The following THSD7B variants were observed in gnomAD, a reference collection of about 807,000 sequenced individuals.
THSD7B encodes the protein thrombospondin type 1 domain containing 7B.
In THSD7B, 138 loss-of-function variants were observed where a neutral mutation model predicts 213.6. The observed-to-expected ratio is 0.65, with a 90% CI of 0.56 to 0.74. The LOEUF is 0.74. Ranked by LOEUF, THSD7B falls within the 30% of genes least tolerant of loss-of-function variation. THSD7B has a pLI of 0.00. For missense variants in THSD7B, 1,931 were observed against 1,991.5 expected, an observed-to-expected ratio of 0.97 and a Z score of 0.58; for synonymous variants, 742 against 687.0, an observed-to-expected ratio of 1.08 and a Z score of -1.25.
rs185217618 is a variant in THSD7B, at chr2:137,610,827, A to G, written c.3424-5348A>G. On this transcript the variant is annotated intron_variant, in intron 17 of 27. Coordinates refer to ENST00000409968, the MANE Select transcript of THSD7B (RefSeq NM_001316349.2). The stretch of plus-strand genomic sequence containing the variant: ...ATTTTCTAGGTACAAACTTAATTTG[A>G]TAATTGTATTGTTCTGAAATTAATT... Among the ~76,000 whole-genome samples the G allele has an allele frequency of 3.8e-3, 571 of 152,114 alleles. 1 individual carries two copies. Among genetic ancestry groups the G allele is most frequent in the African/African-American group, 0.013 (540 of 41,520 alleles).
intron 12 of THSD7B, among the ~76,000 whole-genome samples, chr2:137,318,434 G>C (rs1228207705): frequency 6.6e-6 from 1 of 152,074 alleles, no homozygotes; most frequent in East Asian, 1.9e-4. Flanking sequence ...TCAAGCCTAA[G>C]TCTAGTACTC....
At chr2:137,205,885 T>C (rs1382869200) in intron 7 of THSD7B, among the ~76,000 whole-genome samples, 1 of 135,086 alleles carries the variant, frequency 7.4e-6, no homozygotes, top group African/African-American at 2.9e-5. Flanking sequence ...TTTATCATTG[T>C]GTTAAGAGTA....
intron 2 of THSD7B, among the ~76,000 whole-genome samples, chr2:136,926,163 C>T (rs1204963313): frequency 6.7e-6 from 1 of 148,852 alleles, no homozygotes; most frequent in Non-Finnish European, 1.5e-5. Context: ...GCATTCCTCC[C>T]TCCTTTCTCC....
chr2:136,862,491 A>G (rs552605425), intron 1 of THSD7B, among the ~76,000 whole-genome samples: 1 of 152,320 alleles, frequency 6.6e-6, no homozygotes, highest in East Asian at 1.9e-4. Flanking sequence ...TTTCTGTGCC[A>G]GGCACTAAGG....
In THSD7B at chr2:137,031,844, T is replaced by C. The variant is rs1225337464; in HGVS notation, c.140-24576T>C. ...TGCTTTTCTTTCCTTTTTTTTTTTT[T>C]TTTAGCTGGGGGTAGGGGATAAGGT... On this transcript the variant is annotated intron_variant, in intron 2 of 27. Coordinates refer to ENST00000409968, the MANE Select transcript of THSD7B (RefSeq NM_001316349.2). Among the ~76,000 whole-genome samples the C allele has an allele frequency of 2.6e-5, 4 of 151,718 alleles. No individual in the cohort carries two copies. The East Asian group carries it at 7.7e-4, about 29-fold the overall frequency.
intron 10 of THSD7B, among the ~76,000 whole-genome samples, chr2:137,251,724 A>G (rs1230318117): frequency 3.3e-5 from 5 of 152,204 alleles, no homozygotes; most frequent in Admixed American, 6.5e-5. Context: ...TCTGTGTGGT[A>G]TGCTTGCTAG....
At chr2:136,790,027 G>A (rs1401689117) in intron 1 of THSD7B, among the ~76,000 whole-genome samples, 2 of 151,662 alleles carry the variant, frequency 1.3e-5, no homozygotes, top group African/African-American at 2.4e-5. Context: ...AAGGAGCTTT[G>A]TTCTCAGGGC....
At chr2:137,260,797 G>C (rs796381686) in intron 10 of THSD7B, among the ~76,000 whole-genome samples, 4 of 152,186 alleles carry the variant, frequency 2.6e-5, no homozygotes, top group African/African-American at 9.6e-5. Context: ...CCTTTCAGCA[G>C]AGGTTCTCTA....
At chr2:137,306,763 A>G (rs1683758846) in intron 12 of THSD7B, among the ~76,000 whole-genome samples, 1 of 151,792 alleles carries the variant, frequency 6.6e-6, no homozygotes, top group Admixed American at 6.6e-5. Context: ...TGCCCTTTTA[A>G]AAGTGTTTTC....
chr2:137,078,522 T>G (rs1687677973), intron 3 of THSD7B, among the ~76,000 whole-genome samples: 1 of 152,186 alleles, frequency 6.6e-6, no homozygotes, highest in Admixed American at 6.5e-5. Flanking sequence ...TTTAAAATAG[T>G]AATTTGCCTG....
chr2:136,981,254 G>A lies in THSD7B; in HGVS notation c.140-75166G>A, dbSNP rs151083040. Among the ~76,000 whole-genome samples the A allele has an allele frequency of 1.5e-3, 232 of 152,258 alleles. 2 individuals are homozygous for A. In the Middle Eastern group the frequency reaches 0.027, roughly 18 times the overall value. On this transcript the variant is annotated intron_variant, in intron 2 of 27. Coordinates refer to ENST00000409968, the MANE Select transcript of THSD7B (RefSeq NM_001316349.2). ...TCTCAGTGGCCTTAGCCTTGTGAAT[G>A]GTGGTAAGTGCTGCAGCTGAGGCCT...
chr2:137,140,156 A>T (rs972007827), intron 5 of THSD7B, among the ~76,000 whole-genome samples: 1 of 151,970 alleles, frequency 6.6e-6, no homozygotes, highest in African/African-American at 2.4e-5. Flanking sequence ...ACACACACAC[A>T]CTATATATAT....
intron 2 of THSD7B, among the ~76,000 whole-genome samples, chr2:137,048,234 T>C (rs1287530027): frequency 6.6e-6 from 1 of 152,204 alleles, no homozygotes; most frequent in Non-Finnish European, 1.5e-5. Context: ...AGTAAACTAC[T>C]CAGTTACAAT....
chr2:136,915,870 C>G (rs1684339900), intron 2 of THSD7B, among the ~76,000 whole-genome samples: 1 of 152,200 alleles, frequency 6.6e-6, no homozygotes, highest in South Asian at 2.1e-4. Flanking sequence ...GATATCTTCT[C>G]AACCTGACAG....
intron 5 of THSD7B, among the ~76,000 whole-genome samples, chr2:137,131,910 T>A (rs1257306149): frequency 2.0e-5 from 3 of 152,154 alleles, no homozygotes; most frequent in African/African-American, 7.2e-5. Flanking sequence ...TTTCCAATTC[T>A]GTGAAGAAAG....
intron 2 of THSD7B, among the ~76,000 whole-genome samples, chr2:137,030,112 T>C (rs561438219): frequency 3.8e-4 from 58 of 152,114 alleles, no homozygotes; most frequent in Non-Finnish European, 7.4e-5. Context: ...GGTGCGTGCA[T>C]GAGTGCATGA....
intron 14 of THSD7B, among the ~76,000 whole-genome samples, chr2:137,435,910 A>T (rs1430321397): frequency 6.6e-6 from 1 of 152,046 alleles, no homozygotes; most frequent in Non-Finnish European, 1.5e-5. Context: ...AGTTCCTTCC[A>T]TGCTTCTACC....
chr2:136,895,360 T>A (rs1388353274), intron 2 of THSD7B, among the ~76,000 whole-genome samples: 1 of 152,010 alleles, frequency 6.6e-6, no homozygotes, highest in African/African-American at 2.4e-5. Context: ...TTTCTTCTTT[T>A]GAAACTGTAA....
chr2:137,485,768 G>A (rs957155419), intron 15 of THSD7B, among the ~76,000 whole-genome samples: 2 of 152,248 alleles, frequency 1.3e-5, no homozygotes, highest in East Asian at 1.9e-4. Flanking sequence ...ACCCACAAAG[G>A]GAAGCCCATC....
Sources: gnomAD v4.1 joint callset for allele counts (sites outside exome capture counted in the v4.1 genomes callset) on GRCh38, gnomAD v4.1.1 for gene constraint, MANE v1.5 for transcripts, NCBI Gene and HGNC (gene_info 2026-07-23, HGNC 2026-07-21) for gene names.